NTRK2: variants seen among roughly 807,000 people sequenced by gnomAD.
NTRK2 encodes the protein neurotrophic receptor tyrosine kinase 2.
Under a neutral mutation model 94.5 loss-of-function variants are expected in NTRK2, and 13 were observed. That is an observed-to-expected ratio of 0.14 (90% CI 0.09 to 0.22). The LOEUF (loss-of-function observed/expected upper bound fraction) is 0.22. NTRK2 is among the 10% of genes least tolerant of loss of function. NTRK2 has a pLI of 1.00. For missense variants in NTRK2, 639 were observed against 1,071.2 expected (o/e 0.60, Z 5.63); for synonymous variants, 372 against 407.4 (o/e 0.91, Z 1.05).
intron 17 of NTRK2, among the ~76,000 whole-genome samples, chr9:84,973,814 C>A (rs1209582432): frequency 6.6e-6 from 1 of 152,038 alleles, no homozygotes; most frequent in Admixed American, 6.5e-5. Flanking sequence ...CTGAATTAAA[C>A]CAAAATATTG....
intron 13 of NTRK2, among the ~76,000 whole-genome samples, chr9:84,863,319 TA>T (rs886304399): frequency 6.6e-6 from 1 of 152,138 alleles, no homozygotes; most frequent in Admixed American, 6.5e-5. Flanking sequence ...CATATTAAAA[TA>T]AAAATGGGCT....
chr9:84,740,750 A>G (rs2132287935), intron 9 of NTRK2, among the ~76,000 whole-genome samples: 1 of 152,326 alleles, frequency 6.6e-6, no homozygotes, highest in South Asian at 2.1e-4. Context: ...GCTAAAATAG[A>G]TATTTTTCTA....
intron 6 of NTRK2, among the ~76,000 whole-genome samples, chr9:84,716,558 A>G (rs1183112522): frequency 1.3e-5 from 2 of 152,186 alleles, no homozygotes; most frequent in African/African-American, 4.8e-5. Context: ...CTCTATGTGG[A>G]AGTTAGAGTG....
Position 84,670,485 on chromosome 9 carries a change from C to A in NTRK2, c.-264C>A, listed in dbSNP as rs997731490. On this transcript the variant is annotated 5_prime_UTR_variant, in exon 2 of 19. Transcript: ENST00000277120. ...CCCGGCGCGCCGGGCCATGCAGCGACGGCCGCCGCGGAGCTCCGAGCAGCG... is the reference window on the plus strand; with the variant it reads ...CCCGGCGCGCCGGGCCATGCAGCGAAGGCCGCCGCGGAGCTCCGAGCAGCG... 3 of 519,582 alleles carry A rather than the reference C, an allele frequency of 5.8e-6. No homozygotes were observed. The highest frequency in any genetic ancestry group is 1.0e-5 in the Non-Finnish European group (3 of 286,520). 32.2% of individuals were successfully genotyped at this position (519,582 alleles called of 1,614,324 possible). A position where few individuals can be genotyped will look rare whatever the true frequency, so the allele number is the denominator to read the frequency against.
intron 14 of NTRK2, among the ~76,000 whole-genome samples, chr9:84,930,349 G>T (rs937937257): frequency 6.6e-6 from 1 of 152,196 alleles, no homozygotes. Flanking sequence ...CACTGGTAGG[G>T]TGGAGAGGGA....
At position 84,985,755 on chromosome 9, in the gene NTRK2, C is replaced by T. The variant is rs148726799; in HGVS notation, c.2172+30238C>T. ...CCTCTGAATGGGTAAAGGGAACTTA[C>T]ATTAATACAGCCAACATTGATTAAG... On this transcript the variant is annotated intron_variant, in intron 17 of 18. Transcript: ENST00000277120. Among the ~76,000 whole-genome samples the T allele has an allele frequency of 1.6e-3, 250 of 152,342 alleles. 2 individuals carry two copies. The highest frequency in any genetic ancestry group is 5.8e-3 in the African/African-American group (241 of 41,578).
In NTRK2 at chr9:85,022,384, A is replaced by T. The variant is rs964958093; in HGVS notation, c.*947A>T. 3 of 233,094 alleles carry T rather than the reference A, an allele frequency of 1.3e-5. No individual in the cohort carries two copies. Among genetic ancestry groups the T allele is most frequent in the African/African-American group, 6.6e-5 (3 of 45,344 alleles). The allele number at this position is 233,094 out of a possible 1,614,324, so 14.4% of individuals were successfully genotyped here. ...CACAGTTTTGTCTTCGTAGGTTGTGATGATAGCACTGGTTTGTTTCTCAAG... is the reference window on the plus strand; with the variant it reads ...CACAGTTTTGTCTTCGTAGGTTGTGTTGATAGCACTGGTTTGTTTCTCAAG... On this transcript the variant is annotated 3_prime_UTR_variant, in exon 19 of 19. Transcript: ENST00000277120.
intron 12 of NTRK2, among the ~76,000 whole-genome samples, chr9:84,761,628 G>A (rs375176679): frequency 6.6e-6 from 1 of 152,134 alleles, no homozygotes; most frequent in Non-Finnish European, 1.5e-5. Flanking sequence ...TTATTATGGT[G>A]TGTAATGATG....
chr9:84,731,621 C>T (rs1045707328), intron 9 of NTRK2, among the ~76,000 whole-genome samples: 15 of 152,098 alleles, frequency 9.9e-5, no homozygotes, highest in African/African-American at 3.4e-4. Context: ...GATGTAATGA[C>T]AGTCCTCATA....
At chr9:84,872,982 C>T (rs779341688) in intron 14 of NTRK2, 11 of 1,064,264 alleles carry the variant, frequency 1.0e-5, no homozygotes, top group Non-Finnish European at 1.1e-5. Flanking sequence ...AGGTTTTGAA[C>T]ATATTTGCAA....
At chr9:84,835,265 T>C (rs17087753) in intron 12 of NTRK2, among the ~76,000 whole-genome samples, 19,815 of 152,102 alleles carry the variant, frequency 0.13, 1,613 homozygotes, top group African/African-American at 0.23. Context: ...GTGCAAGACA[T>C]CTTTCCTCGC....
chr9:84,810,697 G>C (rs2071682424), intron 12 of NTRK2: 1 of 1,585,000 alleles, frequency 6.3e-7, no homozygotes, highest in African/African-American at 1.3e-5. Flanking sequence ...CTTATCTGGG[G>C]TTTTCTGGTA....
intron 12 of NTRK2, chr9:84,812,723 A>G (rs1438630361): frequency 9.6e-7 from 1 of 1,041,208 alleles, no homozygotes; most frequent in Admixed American, 5.6e-5. Context: ...AAGGCTATGG[A>G]TTGTTTAAGA....
intron 17 of NTRK2, among the ~76,000 whole-genome samples, chr9:84,984,450 C>T (rs966620239): frequency 8.6e-5 from 13 of 151,752 alleles, no homozygotes; most frequent in Non-Finnish European, 1.3e-4. Flanking sequence ...CCAGCCTGGG[C>T]GACAGAGCGA....
intron 12 of NTRK2, among the ~76,000 whole-genome samples, chr9:84,856,122 C>A (rs1049109335): frequency 1.3e-5 from 2 of 152,126 alleles, no homozygotes. Flanking sequence ...AGGAGTTGCT[C>A]AGTGTTACAT....
At chr9:84,704,525 C>T (rs1162912672) in intron 4 of NTRK2, among the ~76,000 whole-genome samples, 4 of 151,924 alleles carry the variant, frequency 2.6e-5, no homozygotes, top group African/African-American at 7.3e-5. Context: ...TACGCCTGGC[C>T]GGTGGTATTC....
rs1828268093 is a variant in NTRK2, at chr9:84,986,171, G to A, written c.2172+30654G>A. Reference sequence around the variant, plus strand: ...ACAAACAGCCCCCAAACCGTGTGATGTTGTGACATTTTCAACACTCCCGCT... The same window carrying A: ...ACAAACAGCCCCCAAACCGTGTGATATTGTGACATTTTCAACACTCCCGCT... On this transcript the variant is annotated intron_variant, in intron 17 of 18. Coordinates refer to ENST00000277120, the MANE Select transcript of NTRK2 (RefSeq NM_006180.6). 2.6e-5 allele frequency among the ~76,000 whole-genome samples: 4 copies of A among 152,236 alleles called. No individual in the cohort carries two copies. In the South Asian group the frequency reaches 6.2e-4, roughly 24 times the overall value.
intron 12 of NTRK2, among the ~76,000 whole-genome samples, chr9:84,798,024 A>G (rs1383668055): frequency 6.7e-6 from 1 of 149,844 alleles, no homozygotes; most frequent in South Asian, 2.1e-4. Context: ...CCGCTATAAC[A>G]AAGTATCACA....
chr9:84,736,833 C>T (rs540814708), intron 9 of NTRK2, among the ~76,000 whole-genome samples: 31 of 152,302 alleles, frequency 2.0e-4, no homozygotes, highest in African/African-American at 6.3e-4. Context: ...TGCTATATAG[C>T]AAATGAGTGG....
Sources: gnomAD v4.1 joint callset for allele counts (sites outside exome capture counted in the v4.1 genomes callset) on GRCh38, gnomAD v4.1.1 for gene constraint, MANE v1.5 for transcripts, NCBI Gene and HGNC (gene_info 2026-07-23, HGNC 2026-07-21) for gene names.